The following CPED1 variants were observed in gnomAD, a reference collection of about 807,000 sequenced individuals.
The protein encoded by CPED1 is cadherin like and PC-esterase domain containing 1.
A neutral mutation model predicts 128.2 loss-of-function variants in CPED1; 114 were observed. The observed-to-expected ratio is 0.89, with a 90% CI of 0.76 to 1.04. CPED1 has a LOEUF of 1.04. CPED1 is among the 50% of genes least tolerant of loss of function. The probability of loss-of-function intolerance (pLI) is 0.00; values close to 1 mark genes in which losing one functional copy is unlikely to be tolerated. For missense variants in CPED1, 1,211 were observed against 1,207.1 expected, an observed-to-expected ratio of 1.00 and a Z score of -0.05; for synonymous variants, 462 against 426.7, an observed-to-expected ratio of 1.08 and a Z score of -1.02.
chr7:121,127,039 C>G, intron 9 of CPED1, 51 bp from the exon 10 acceptor site: 1 of 1,346,652 alleles, frequency 7.4e-7, no homozygotes, highest in East Asian at 2.4e-5. Context: ...ATTCCATTGT[C>G]TTAAAAGTAA....
chr7:121,046,700 T>G (rs1793208920), intron 3 of CPED1, among the ~76,000 whole-genome samples, 187 bp from the exon 4 acceptor site: 1 of 152,016 alleles, frequency 6.6e-6, no homozygotes, highest in Admixed American at 6.5e-5. Context: ...ATAAAAATAC[T>G]AGAAATTCCA....
At chr7:121,129,355 A>C (rs1391955657) in intron 11 of CPED1, among the ~76,000 whole-genome samples, 2 of 145,548 alleles carry the variant, frequency 1.4e-5, no homozygotes, top group African/African-American at 5.0e-5. Flanking sequence ...ATATATACAT[A>C]CATACACTAC....
chr7:121,191,671 A>G (rs1473401412), intron 16 of CPED1, among the ~76,000 whole-genome samples: 1 of 152,104 alleles, frequency 6.6e-6, no homozygotes, highest in Non-Finnish European at 1.5e-5. Flanking sequence ...GTTCTTTTTC[A>G]TAGTTTTGGG....
chr7:121,042,597 C>T (rs1269646242), intron 3 of CPED1, among the ~76,000 whole-genome samples: 1 of 152,270 alleles, frequency 6.6e-6, no homozygotes, highest in Non-Finnish European at 1.5e-5. Flanking sequence ...AAGAACATGG[C>T]CACTAGAGCT....
chr7:121,004,748 T>G (rs1791961643), intron 2 of CPED1, among the ~76,000 whole-genome samples: 1 of 128,014 alleles, frequency 7.8e-6, no homozygotes, highest in Admixed American at 8.1e-5. Context: ...AGTAGACACT[T>G]GTGACCATAT....
chr7:121,243,336 A>C lies in CPED1; in HGVS notation c.2174-866A>C, dbSNP rs1436828223. ...TGAAACGATGAACAAGGAAAAAAAA[A>C]CAAAAAAATTATATTTTTCTACCAC... On this transcript the variant is annotated intron_variant, in intron 17 of 22. Transcript: ENST00000310396. 2.6e-5 allele frequency among the ~76,000 whole-genome samples: 4 copies of C among 152,300 alleles called. No homozygotes were observed. The East Asian group carries it at 7.7e-4, about 29-fold the overall frequency.
intron 16 of CPED1, among the ~76,000 whole-genome samples, chr7:121,148,381 G>C (rs770084008): frequency 2.6e-5 from 4 of 152,154 alleles, no homozygotes; most frequent in Non-Finnish European, 5.9e-5. Context: ...CATTATGTTA[G>C]GCACTTTACC....
At chr7:121,247,280 G>C (rs994353442) in intron 18 of CPED1, among the ~76,000 whole-genome samples, 1 of 152,188 alleles carries the variant, frequency 6.6e-6, no homozygotes, top group Admixed American at 6.5e-5. Context: ...GTAACAAACA[G>C]TTAAGAGTAA....
At chr7:121,209,403 A>G (rs1410918102) in intron 16 of CPED1, among the ~76,000 whole-genome samples, 7 of 152,040 alleles carry the variant, frequency 4.6e-5, no homozygotes, top group Non-Finnish European at 2.9e-5. Context: ...TAGCTTCCAT[A>G]TAAGCAATGT....
chr7:121,108,075 G>A (rs934007260), intron 7 of CPED1, among the ~76,000 whole-genome samples: 3 of 152,108 alleles, frequency 2.0e-5, no homozygotes, highest in Admixed American at 6.6e-5. Context: ...CTACATAGCA[G>A]TGAGATGGAG....
intron 8 of CPED1, among the ~76,000 whole-genome samples, chr7:121,125,044 A>G (rs1041279309): frequency 2.0e-5 from 3 of 152,144 alleles, no homozygotes; most frequent in Non-Finnish European, 4.4e-5. Flanking sequence ...TAGGAGTAGG[A>G]GAGTTTTCTT....
chr7:121,267,209 A>T lies in CPED1; in HGVS notation c.2634-6A>T, dbSNP rs773000635. On this transcript the variant is annotated splice_region_variant and splice_polypyrimidine_tract_variant and intron_variant, in intron 20 of 22. Coordinates refer to ENST00000310396, the MANE Select transcript of CPED1 (RefSeq NM_024913.5). ...CTGACTTTAGAATTATAATTATCTC[A>T]TTCAGGGAAAATTTACTCAATATCC... The T allele has an allele frequency of 6.6e-7, 1 of 1,507,862 alleles. No individual in the cohort carries two copies. Among genetic ancestry groups the T allele is most frequent in the Non-Finnish European group, 9.1e-7 (1 of 1,093,010 alleles). The allele number at this position is 1,507,862 out of a possible 1,614,324, so 93.4% of individuals were successfully genotyped here. A position where few individuals can be genotyped will look rare whatever the true frequency, so the allele number is the denominator to read the frequency against.
intron 16 of CPED1, among the ~76,000 whole-genome samples, chr7:121,215,683 C>T (rs1264794074): frequency 6.6e-6 from 1 of 152,034 alleles, no homozygotes; most frequent in Non-Finnish European, 1.5e-5. Flanking sequence ...TAGTCCAAAT[C>T]TCTTCACAAA....
chr7:121,003,340 G>A (rs1161282320), intron 2 of CPED1, among the ~76,000 whole-genome samples: 6 of 152,100 alleles, frequency 3.9e-5, no homozygotes, highest in Admixed American at 3.9e-4. Flanking sequence ...CTCTAGGAAA[G>A]GAAATTCCTT....
intron 3 of CPED1, among the ~76,000 whole-genome samples, chr7:121,041,414 T>C (rs1267811956): frequency 2.0e-5 from 3 of 152,002 alleles, no homozygotes; most frequent in Non-Finnish European, 2.9e-5. Context: ...TGTGAGATGG[T>C]GGTAAACACT....
intron 15 of CPED1, among the ~76,000 whole-genome samples, 163 bp from the exon 16 acceptor site, chr7:121,141,810 G>C (rs577777852): frequency 6.6e-6 from 1 of 152,058 alleles, no homozygotes; most frequent in Non-Finnish European, 1.5e-5. Flanking sequence ...CTGTGAAAGA[G>C]ATATTTATTT....
chr7:121,146,204 T>C (rs1043796749), intron 16 of CPED1, among the ~76,000 whole-genome samples: 14 of 152,030 alleles, frequency 9.2e-5, no homozygotes, highest in African/African-American at 2.7e-4. Flanking sequence ...CATCCTCACA[T>C]GGTGGAAGCG....
chr7:121,291,750 A>C (rs182393283), intron 22 of CPED1, among the ~76,000 whole-genome samples: 12 of 152,238 alleles, frequency 7.9e-5, no homozygotes, highest in African/African-American at 2.9e-4. Context: ...CAGCAAACAG[A>C]GACAATTTGA....
At chr7:121,131,362 T>C (rs1415918607) in intron 12 of CPED1, among the ~76,000 whole-genome samples, 1 of 152,030 alleles carries the variant, frequency 6.6e-6, no homozygotes, top group Non-Finnish European at 1.5e-5. Flanking sequence ...TGTTTGAAAA[T>C]TAGGTTTTAA....
Sources: allele counts gnomAD v4.1 joint callset (sites outside exome capture counted in the v4.1 genomes callset), GRCh38; gene constraint gnomAD v4.1.1; transcripts MANE v1.5; gene names NCBI Gene and HGNC (gene_info 2026-07-23, HGNC 2026-07-21).